The following TAP1 variants were observed in gnomAD, a reference collection of about 807,000 sequenced individuals.
The protein encoded by TAP1 is transporter 1, ATP binding cassette subfamily B member.
Under a neutral mutation model 79.3 loss-of-function variants are expected in TAP1, and 56 were observed. That is an observed-to-expected ratio of 0.71 (90% CI 0.57 to 0.88). The LOEUF is 0.88. TAP1 is among the 40% of genes least tolerant of loss of function. The probability of loss-of-function intolerance (pLI) is 0.00; values close to 1 mark genes in which losing one functional copy is unlikely to be tolerated. For synonymous variants in TAP1, 355 were observed against 401.4 expected (o/e 0.88, Z 1.38); for missense variants, 737 against 936.3 (o/e 0.79, Z 2.78).
In TAP1 at chr6:32,845,449, G is replaced by T; in HGVS notation, c.*130C>A. On this transcript the variant is annotated 3_prime_UTR_variant, in exon 11 of 11. Transcript: ENST00000354258. This position sits in a 1 kb window ranked among gnomAD's most constrained non-coding sequence, Gnocchi z 4.5. ...TGCATTATCACGAGGAGCTTGGAAA[G>T]GAGGTAACACACTCAAGGCAAATTT... The T allele has an allele frequency of 2.3e-6, 2 of 859,018 alleles. No homozygotes were observed. The highest frequency in any genetic ancestry group is 2.8e-5 in the South Asian group (2 of 70,982). 53.2% of individuals were successfully genotyped at this position (859,018 alleles called of 1,614,324 possible).
In TAP1 at chr6:32,852,146, C is replaced by T. The variant is rs753045927; in HGVS notation, c.807G>A (p.Leu269=). The T allele has an allele frequency of 5.6e-6, 9 of 1,612,898 alleles. No homozygotes were observed. Residue 269 remains leucine (L), a synonymous_variant, in exon 3 of 11, where the codon CTG becomes CTA. Transcript: ENST00000354258. The surrounding 1 kb of genome is among the most constrained non-coding windows in gnomAD (Gnocchi z 4.8). ...HLQGEVFGAV[L]RQETEFFQQN... ...GTTGGAAAAACTCCGTCTCCTGGCG[C>T]AGGACAGCCCCAAACACCTCTCCCT...
Position 32,852,263 on chromosome 6 carries a change from G to A in TAP1, c.714-24C>T. The A allele has an allele frequency of 6.2e-7, 1 of 1,612,972 alleles. No homozygotes were observed. Among genetic ancestry groups the A allele is most frequent in the Admixed American group, 1.7e-5 (1 of 60,018 alleles). On this transcript the variant is annotated intron_variant, in intron 2 of 10. Transcript: ENST00000354258. The surrounding 1 kb of genome is among the most constrained non-coding windows in gnomAD (Gnocchi z 4.8). Reference sequence around the variant, plus strand: ...CACTATAAAGAACCCGGAAAAAAAGGGGATCAGGGTGTGTTCAGGGAACAG... The same window carrying A: ...CACTATAAAGAACCCGGAAAAAAAGAGGATCAGGGTGTGTTCAGGGAACAG...
rs1770945571 is a variant in TAP1, at chr6:32,853,514, G to A, written c.123C>T (p.Pro41=). The A allele has an allele frequency of 2.5e-6, 4 of 1,609,696 alleles. No homozygotes were observed. Among genetic ancestry groups the A allele is most frequent in the Non-Finnish European group, 3.4e-6 (4 of 1,177,496 alleles). The change falls in exon 1 of 11, where the codon CCC becomes CCT. Residue 41 remains proline (P), a synonymous_variant. Transcript: ENST00000354258. This position sits in a 1 kb window ranked among gnomAD's most constrained non-coding sequence, Gnocchi z 8.3. ...ADWVLLRTAL[P]RIFSLLVPTA... ...TGGGCACCAGCAGGGAGAATATGCG[G>A]GGCAGCGCGGTCCGGAGCAGCACCC...
Position 32,850,233 on chromosome 6 carries a change from G to C in TAP1, c.1248+87C>G. 1 of 1,410,000 alleles carries C rather than the reference G, an allele frequency of 7.1e-7. No homozygotes were observed. The highest frequency in any genetic ancestry group is 1.0e-6 in the Non-Finnish European group (1 of 996,142). The allele number at this position is 1,410,000 out of a possible 1,614,324, so 87.3% of individuals were successfully genotyped here. A position where few individuals can be genotyped will look rare whatever the true frequency, so the allele number is the denominator to read the frequency against. On this transcript the variant is annotated intron_variant, in intron 5 of 10. Coordinates refer to ENST00000354258, the MANE Select transcript of TAP1 (RefSeq NM_000593.6). The surrounding 1 kb of genome is among the most constrained non-coding windows in gnomAD (Gnocchi z 5.5). ...CTGAACCAACCATTTCCCAGTAAAG[G>C]AGGAGTGGGAGCAGGGTCATAGGAA...
rs552011501 is a variant in TAP1 at position 32,845,806 on chromosome 6, G to T, written c.2041-21C>A. 6.2e-7 allele frequency: 1 copy of T among 1,603,338 alleles called. No homozygotes were observed. The highest frequency in any genetic ancestry group is 8.5e-7 in the Non-Finnish European group (1 of 1,176,806). ...TCCACCTGAGGAAAGACATCGGACC[G>T]TCAGAGCCGGGGACTACCCTCAGCC... On this transcript the variant is annotated intron_variant, in intron 10 of 10. Transcript: ENST00000354258. This position sits in a 1 kb window ranked among gnomAD's most constrained non-coding sequence, Gnocchi z 4.5.
chr6:32,853,275 G>A lies in TAP1; in HGVS notation c.362C>T (p.Ala121Val), dbSNP rs762677297. 2.3e-5 allele frequency: 36 copies of A among 1,587,444 alleles called. No individual in the cohort carries two copies. The highest frequency in any genetic ancestry group is 6.7e-5 in the African/African-American group (5 of 74,486). ...CCTGGTGCTATCCGCGGACCCGGGG[G>A]CTCCCCATGAGATCAGCTCTCGGAA... Reference protein sequence around the residue: ...ALFRELISWGAPGSADSTRLL... With the variant: ...ALFRELISWGVPGSADSTRLL... The change falls in exon 1 of 11, where the codon GCC becomes GTC. Residue 121 changes from alanine to valine, a missense_variant. By Grantham distance (64) the Ala-to-Val change is moderately conservative. Around this residue, in one of 5 missense-constraint regions of TAP1, gnomAD observed 406 missense variants for 477.2 expected, o/e 0.85. Coordinates refer to ENST00000354258, the MANE Select transcript of TAP1 (RefSeq NM_000593.6). This position sits in a 1 kb window ranked among gnomAD's most constrained non-coding sequence, Gnocchi z 8.3.
At chr6:32,846,484 A>G (rs946356574) in intron 10 of TAP1, 2 of 168,084 alleles carry the variant, frequency 1.2e-5, no homozygotes, top group African/African-American at 2.4e-5. Flanking sequence ...TAAATAAACG[A>G]TATTATGAGG....
Position 32,847,265 on chromosome 6 carries a change from C to G in TAP1, c.1904-61G>C. 1 of 1,603,034 alleles carries G rather than the reference C, an allele frequency of 6.2e-7. No individual in the cohort carries two copies. Among genetic ancestry groups the G allele is most frequent in the Non-Finnish European group, 8.5e-7 (1 of 1,177,036 alleles). ...CCACATGTGTGCACGCATGTACATGCACACAGACACACTCATGCATTCACG... is the reference window on the plus strand; with the variant it reads ...CCACATGTGTGCACGCATGTACATGGACACAGACACACTCATGCATTCACG... On this transcript the variant is annotated intron_variant, in intron 9 of 10. Transcript: ENST00000354258. This position sits in a 1 kb window ranked among gnomAD's most constrained non-coding sequence, Gnocchi z 4.7.
chr6:32,850,068 C>T lies in TAP1; in HGVS notation c.1248+252G>A, dbSNP rs920946810. 19 of 592,682 alleles carry T rather than the reference C, an allele frequency of 3.2e-5. No homozygotes were observed. In the African/African-American group the frequency reaches 3.5e-4, roughly 11 times the overall value. The allele number at this position is 592,682 out of a possible 1,614,324, so 36.7% of individuals were successfully genotyped here. Reference sequence around the variant, plus strand: ...AAAGGAAGGCCCTAGGACTGGAAGACACGCATCTCTCCAATCCACATGGTT... The same window carrying T: ...AAAGGAAGGCCCTAGGACTGGAAGATACGCATCTCTCCAATCCACATGGTT... On this transcript the variant is annotated intron_variant, in intron 5 of 10. Coordinates refer to ENST00000354258, the MANE Select transcript of TAP1 (RefSeq NM_000593.6). This position sits in a 1 kb window ranked among gnomAD's most constrained non-coding sequence, Gnocchi z 5.5.
Position 32,849,134 on chromosome 6 carries a change from A to C in TAP1, c.1249-16T>G. On this transcript the variant is annotated splice_polypyrimidine_tract_variant and intron_variant, in intron 5 of 10. Transcript: ENST00000354258. ...TACCTGAAATCTATAAAGAGACCACAAAAAAAGGGACTGAGGTAGAGAAAT... is the reference window on the plus strand; with the variant it reads ...TACCTGAAATCTATAAAGAGACCACCAAAAAAGGGACTGAGGTAGAGAAAT... 6.4e-7 allele frequency: 1 copy of C among 1,567,818 alleles called. No individual in the cohort carries two copies. Among genetic ancestry groups the C allele is most frequent in the Non-Finnish European group, 8.7e-7 (1 of 1,155,820 alleles).
In TAP1 at chr6:32,845,315, C is replaced by T; in HGVS notation, c.*264G>A. ...ATAGCTGATCATCTTTCCGTACATT[C>T]TGAACATTTCTCAGTTTCAGAGTGC... On this transcript the variant is annotated 3_prime_UTR_variant, in exon 11 of 11. Coordinates refer to ENST00000354258, the MANE Select transcript of TAP1 (RefSeq NM_000593.6). The surrounding 1 kb of genome is among the most constrained non-coding windows in gnomAD (Gnocchi z 4.5). 1 of 589,188 alleles carries T rather than the reference C, an allele frequency of 1.7e-6. No individual in the cohort carries two copies. The highest frequency in any genetic ancestry group is 3.0e-6 in the Non-Finnish European group (1 of 330,664). 36.5% of individuals were successfully genotyped at this position (589,188 alleles called of 1,614,324 possible).
Position 32,850,562 on chromosome 6 carries a change from T to C in TAP1, c.1051-45A>G, listed in dbSNP as rs1242679586. On this transcript the variant is annotated intron_variant, in intron 4 of 10. Coordinates refer to ENST00000354258, the MANE Select transcript of TAP1 (RefSeq NM_000593.6). This position sits in a 1 kb window ranked among gnomAD's most constrained non-coding sequence, Gnocchi z 5.5. ...AGATGTCACACGGGTTGGCAAACCA[T>C]CAGGGACACTAATACCTGAGTTACC... The C allele has an allele frequency of 2.6e-6, 4 of 1,542,616 alleles. No individual in the cohort carries two copies. Among genetic ancestry groups the C allele is most frequent in the African/African-American group, 1.4e-5 (1 of 73,552 alleles).
chr6:32,847,884 C>G lies in TAP1; in HGVS notation c.1740+35G>C. On this transcript the variant is annotated intron_variant, in intron 8 of 10. Coordinates refer to ENST00000354258, the MANE Select transcript of TAP1 (RefSeq NM_000593.6). The surrounding 1 kb of genome is among the most constrained non-coding windows in gnomAD (Gnocchi z 4.7). ...GTAAGAATGCTCTTCGTATTTGATG[C>G]TCCCTGCCCTCCTTCAAGCCACCTG... 1 of 1,612,956 alleles carries G rather than the reference C, an allele frequency of 6.2e-7. No individual in the cohort carries two copies. Among genetic ancestry groups the G allele is most frequent in the Non-Finnish European group, 8.5e-7 (1 of 1,179,890 alleles).
Position 32,849,090 on chromosome 6 carries a change from A to C in TAP1, c.1277T>G (p.Ile426Ser). 6.3e-7 allele frequency: 1 copy of C among 1,592,030 alleles called. No homozygotes were observed. Among genetic ancestry groups the C allele is most frequent in the Non-Finnish European group, 8.5e-7 (1 of 1,169,870 alleles). Residue 426 changes from isoleucine to serine, a missense_variant, in exon 6 of 11, where the codon ATC (isoleucine) becomes AGC (serine). Ile to Ser is a moderately radical substitution (Grantham distance 142). This residue lies in a region of TAP1 where 406 missense variants were observed against 477.2 expected (regional missense o/e 0.85). Transcript: ENST00000354258. ...SISGMLLKVG[I>S]LYIGGQLVTS... is the part of the protein sequence containing the mutation. ...CACCAGCTGCCCACCAATGTAGAGGATTCCCACTTTCAGCAGCATACCTGA... is the reference window on the plus strand; with the variant it reads ...CACCAGCTGCCCACCAATGTAGAGGCTTCCCACTTTCAGCAGCATACCTGA...
In TAP1 at chr6:32,853,190, G is replaced by C. The variant is rs757944776; in HGVS notation, c.447C>G (p.Pro149=). ...CGAGTTTGTGCCACAGGGCTGCTGC[G>C]GGCAGTGCCGCTGCATAACTGACAA... ...AFVVSYAAAL[P]AAALWHKLGS... Residue 149 remains proline (P), a synonymous_variant, in exon 1 of 11, where the codon CCC becomes CCG. Coordinates refer to ENST00000354258, the MANE Select transcript of TAP1 (RefSeq NM_000593.6). This position sits in a 1 kb window ranked among gnomAD's most constrained non-coding sequence, Gnocchi z 8.3. 2.5e-6 allele frequency: 4 copies of C among 1,612,328 alleles called. No individual in the cohort carries two copies. In the East Asian group the frequency reaches 8.9e-5, roughly 36 times the overall value.
Position 32,852,127 on chromosome 6 carries a change from A to C in TAP1, c.826T>G (p.Phe276Val). 1 of 1,613,040 alleles carries C rather than the reference A, an allele frequency of 6.2e-7. No homozygotes were observed. Among genetic ancestry groups the C allele is most frequent in the Non-Finnish European group, 8.5e-7 (1 of 1,180,036 alleles). Residue 276 changes from phenylalanine (F) to valine (V), a missense_variant, in exon 3 of 11, where the codon TTC becomes GTC. Transcript: ENST00000354258. This position sits in a 1 kb window ranked among gnomAD's most constrained non-coding sequence, Gnocchi z 4.8. ...GAGAAACCTGTCTGGTTCTGTTGGA[A>C]AAACTCCGTCTCCTGGCGCAGGACA... ...GAVLRQETEF[F>V]QQNQTGNIMS...
rs777809418 is a variant in TAP1, at chr6:32,847,225, A to G, written c.1904-21T>C. The G allele has an allele frequency of 1.2e-6, 2 of 1,610,116 alleles. No individual in the cohort carries two copies. The highest frequency in any genetic ancestry group is 2.7e-5 in the African/African-American group (2 of 74,894). On this transcript the variant is annotated intron_variant, in intron 9 of 10. Transcript: ENST00000354258. This position sits in a 1 kb window ranked among gnomAD's most constrained non-coding sequence, Gnocchi z 4.7. Reference sequence around the variant, plus strand: ...TACCTCTGCAGAGCAAAGGGCCAAGATGAGAACGGTATAGCCACATGTGTG... The same window carrying G: ...TACCTCTGCAGAGCAAAGGGCCAAGGTGAGAACGGTATAGCCACATGTGTG...
chr6:32,852,046 C>A lies in TAP1; in HGVS notation c.844+63G>T. 1 of 1,609,488 alleles carries A rather than the reference C, an allele frequency of 6.2e-7. No homozygotes were observed. The highest frequency in any genetic ancestry group is 1.1e-5 in the South Asian group (1 of 90,962). ...GAGAGAGAGCGGGGAGGGGGGAGAT[C>A]AAAGCAGATGTATGAGGATATGAAC... is the stretch of plus-strand genomic sequence containing the variant. On this transcript the variant is annotated intron_variant, in intron 3 of 10. Transcript: ENST00000354258. The surrounding 1 kb of genome is among the most constrained non-coding windows in gnomAD (Gnocchi z 4.8).
At position 32,853,670 on chromosome 6, in the gene TAP1, C is replaced by T. The variant is rs2071536; in HGVS notation, c.-34G>A. 0.11 allele frequency: 171,189 copies of T among 1,592,482 alleles called. 9,843 individuals carry two copies. Among genetic ancestry groups the T allele is most frequent in the South Asian group, 0.13 (11,899 of 89,700 alleles). ...GGACGCCGTCCCGGTCCCGGCCGGG[C>T]CTGGGACTCTCCGCGCCCCGGTGGG... On this transcript the variant is annotated 5_prime_UTR_variant, in exon 1 of 11. Coordinates refer to ENST00000354258, the MANE Select transcript of TAP1 (RefSeq NM_000593.6). The surrounding 1 kb of genome is among the most constrained non-coding windows in gnomAD (Gnocchi z 8.3).
Sources: allele counts gnomAD v4.1 joint callset, GRCh38; gene constraint gnomAD v4.1.1; regional missense constraint gnomAD v4.1.1; non-coding constraint Gnocchi (gnomAD v3.1); transcripts MANE v1.5; gene names NCBI Gene and HGNC (gene_info 2026-07-23, HGNC 2026-07-21).